Variants in CXCL17 observed in about 807,000 individuals in gnomAD.
CXCL17 encodes the protein C-X-C motif chemokine ligand 17.
Under a neutral mutation model 15.5 loss-of-function variants are expected in CXCL17, and 9 were observed. The observed-to-expected ratio is 0.58, with a 90% CI of 0.35 to 1.01. CXCL17 has a LOEUF of 1.01. CXCL17 is among the 50% of genes least tolerant of loss of function. CXCL17 has a pLI of 0.02. For missense variants in CXCL17, 133 were observed against 138.2 expected (o/e 0.96, Z 0.19); for synonymous variants, 52 against 52.3 (o/e 0.99, Z 0.02).
intron 1 of CXCL17, among the ~76,000 whole-genome samples, chr19:42,438,156 A>G (rs1234813413): frequency 7.3e-5 from 11 of 151,434 alleles, no homozygotes; most frequent in African/African-American, 2.2e-4. Context: ...CAGGAGATTG[A>G]GACCATCCTG....
Position 42,429,326 on chromosome 19 carries a change from C to T in CXCL17, c.263-345G>A, listed in dbSNP as rs746532143. On this transcript the variant is annotated intron_variant, in intron 3 of 3. Coordinates refer to ENST00000601181, the MANE Select transcript of CXCL17 (RefSeq NM_198477.3). ...ACAGGCATGAGCCACCATGCCTGGC[C>T]TTCACATTTAATTTTTTTTTGAGAT... Among the ~76,000 whole-genome samples the T allele has an allele frequency of 2.7e-5, 4 of 149,008 alleles. No homozygotes were observed. The South Asian group carries it at 6.4e-4, about 24-fold the overall frequency.
At chr19:42,429,981 A>T (rs2040761165) in intron 3 of CXCL17, among the ~76,000 whole-genome samples, 1 of 152,140 alleles carries the variant, frequency 6.6e-6, no homozygotes, top group African/African-American at 2.4e-5. Context: ...CAGCCTGAGC[A>T]ACATGGCGAA....
At chr19:42,435,684 G>A (rs762270216) in intron 1 of CXCL17, among the ~76,000 whole-genome samples, 16 of 152,162 alleles carry the variant, frequency 1.1e-4, no homozygotes, top group Admixed American at 2.0e-4. Flanking sequence ...ACAAAAATGA[G>A]CAGGGCATGG....
chr19:42,433,733 G>T, intron 2 of CXCL17, 43 bp downstream of exon 2: 1 of 1,525,974 alleles, frequency 6.6e-7, no homozygotes. Context: ...GAGAGCTGGG[G>T]TCATGGTGAT....
chr19:42,431,039 C>T (rs1400626138), intron 3 of CXCL17, among the ~76,000 whole-genome samples: 2 of 152,214 alleles, frequency 1.3e-5, no homozygotes, highest in Non-Finnish European at 2.9e-5. Context: ...GGGGTTTCAC[C>T]ATGTTGGCCA....
chr19:42,433,085 A>G lies in CXCL17; in HGVS notation c.161-8T>C. 6.3e-7 allele frequency: 1 copy of G among 1,598,388 alleles called. No homozygotes were observed. The highest frequency in any genetic ancestry group is 1.1e-5 in the South Asian group (1 of 90,636). ...GGGCTCTCAGGAACCAATCTGGAAC[A>G]ACAGCATTGCTGCTTAGATGGGAGA... On this transcript the variant is annotated splice_polypyrimidine_tract_variant and splice_region_variant and intron_variant, in intron 2 of 3. Transcript: ENST00000601181.
intron 3 of CXCL17, among the ~76,000 whole-genome samples, chr19:42,429,388 G>A (rs887214466): frequency 6.6e-6 from 1 of 151,726 alleles, no homozygotes; most frequent in Admixed American, 6.6e-5. Flanking sequence ...GAGTGCAGTG[G>A]TGCAATCTTG....
rs1218350702 is a variant in CXCL17, at chr19:42,428,822, A to G, written c.*62T>C. 2 of 1,183,202 alleles carry G rather than the reference A, an allele frequency of 1.7e-6. No homozygotes were observed. Among genetic ancestry groups the G allele is most frequent in the East Asian group, 2.3e-5 (1 of 42,836 alleles). 73.3% of individuals were successfully genotyped at this position (1,183,202 alleles called of 1,614,324 possible). ...AGGTGGGAGAAGAAGAGTGTCTGGT[A>G]GGTGTGCTCACTGTCTTCTTGGCTG... On this transcript the variant is annotated 3_prime_UTR_variant, in exon 4 of 4. Transcript: ENST00000601181.
chr19:42,438,400 AT>A (rs1182518445), intron 1 of CXCL17, among the ~76,000 whole-genome samples: 35 of 111,748 alleles, frequency 3.1e-4, no homozygotes, highest in African/African-American at 1.1e-3. Context: ...ATATATATAT[AT>A]ATATAAAATA....
At chr19:42,440,629 C>T (rs956325815) in intron 1 of CXCL17, among the ~76,000 whole-genome samples, 4 of 152,218 alleles carry the variant, frequency 2.6e-5, no homozygotes, top group African/African-American at 9.7e-5. Flanking sequence ...ATCATTTAAT[C>T]TTCACAAGTG....
intron 1 of CXCL17, among the ~76,000 whole-genome samples, chr19:42,437,330 G>GT (rs1022478769): frequency 2.6e-5 from 4 of 152,134 alleles, no homozygotes; most frequent in South Asian, 2.1e-4. Flanking sequence ...TGTATGCTTA[G>GT]TTTTTTCCTA....
At position 42,432,958 on chromosome 19, in the gene CXCL17, C is replaced by A. The variant is rs1486890149; in HGVS notation, c.262+18G>T. The stretch of plus-strand genomic sequence containing the variant: ...GGAGTGACTCTGGTATAAGGAAAAT[C>A]ATCCTTTGGAAACTTACTTGTTTTC... On this transcript the variant is annotated intron_variant, in intron 3 of 3. Coordinates refer to ENST00000601181, the MANE Select transcript of CXCL17 (RefSeq NM_198477.3). 1 of 1,588,346 alleles carries A rather than the reference C, an allele frequency of 6.3e-7. No homozygotes were observed. Among genetic ancestry groups the A allele is most frequent in the Admixed American group, 1.7e-5 (1 of 59,936 alleles).
In CXCL17 at chr19:42,434,149, C is replaced by T. The variant is rs776516064; in HGVS notation, c.80-293G>A. 3.3e-5 allele frequency among the ~76,000 whole-genome samples: 5 copies of T among 151,592 alleles called. 1 individual carries two copies. In the South Asian group the frequency reaches 8.3e-4, roughly 25 times the overall value. On this transcript the variant is annotated intron_variant, in intron 1 of 3. Transcript: ENST00000601181. Reference sequence around the variant, plus strand: ...GTGCCCAGCTGAGGGGTATTTTAATCGATAAGGGATTGAGGTTTAAAATCT... The same window carrying T: ...GTGCCCAGCTGAGGGGTATTTTAATTGATAAGGGATTGAGGTTTAAAATCT...
intron 1 of CXCL17, among the ~76,000 whole-genome samples, chr19:42,438,091 G>A (rs1043860923): frequency 6.6e-6 from 1 of 151,716 alleles, no homozygotes; most frequent in Non-Finnish European, 1.5e-5. Flanking sequence ...CCAGGTGGGG[G>A]CTCACACCTG....
chr19:42,440,776 G>GGTCTAGGTGAGTCTAAAA (rs1555793263), intron 1 of CXCL17, among the ~76,000 whole-genome samples: 3 of 152,200 alleles, frequency 2.0e-5, no homozygotes, highest in Non-Finnish European at 4.4e-5. Flanking sequence ...TGAGTGTAAA[G>GGTCTAGGTGAGTCTAAAA]GTCTAGGTGA....
At chr19:42,429,352 G>A (rs1426168453) in intron 3 of CXCL17, among the ~76,000 whole-genome samples, 1 of 150,240 alleles carries the variant, frequency 6.7e-6, no homozygotes, top group African/African-American at 2.5e-5. Context: ...TTTTTGAGAT[G>A]GAGTCTCGTT....
intron 3 of CXCL17, among the ~76,000 whole-genome samples, chr19:42,430,614 AG>A (rs2040769777): frequency 6.6e-6 from 1 of 151,622 alleles, no homozygotes; most frequent in Non-Finnish European, 1.5e-5. Flanking sequence ...AAAAAAAGAA[AG>A]AAAGAAAGAA....
intron 3 of CXCL17, among the ~76,000 whole-genome samples, chr19:42,430,174 C>CA (rs1012685628): frequency 1.4e-4 from 21 of 150,242 alleles, no homozygotes; most frequent in African/African-American, 4.4e-4. Context: ...CCTCCCTCTG[C>CA]AAAAAAAACA....
intron 3 of CXCL17, among the ~76,000 whole-genome samples, chr19:42,430,931 G>A (rs1488627856): frequency 2.0e-5 from 3 of 151,958 alleles, no homozygotes; most frequent in Non-Finnish European, 4.4e-5. Flanking sequence ...TCTGCCTCCC[G>A]GGTTCAAATA....
Sources: allele counts gnomAD v4.1 joint callset (sites outside exome capture counted in the v4.1 genomes callset), GRCh38; gene constraint gnomAD v4.1.1; transcripts MANE v1.5; gene names NCBI Gene and HGNC (gene_info 2026-07-23, HGNC 2026-07-21).